The following NRXN3 variants were observed in gnomAD, a reference collection of about 807,000 sequenced individuals.
NRXN3 encodes neurexin III.
NRXN3 carries 32 observed loss-of-function variants against 137.6 expected under a neutral mutation model. The observed-to-expected ratio is 0.23, with a 90% confidence interval of 0.18 to 0.31. The LOEUF is 0.31. Ranked by LOEUF, NRXN3 falls within the 10% of genes least tolerant of loss-of-function variation. The probability of loss-of-function intolerance (pLI) is 1.00; values close to 1 mark genes in which losing one functional copy is unlikely to be tolerated. For synonymous variants in NRXN3, 798 were observed against 784.5 expected (o/e 1.02, Z -0.29); for missense variants, 1,574 against 2,062.5 (o/e 0.76, Z 4.59).
At chr14:78,712,824 A>G (rs2098415721) in intron 7 of NRXN3, among the ~76,000 whole-genome samples, 1 of 152,112 alleles carries the variant, frequency 6.6e-6, no homozygotes, top group Non-Finnish European at 1.5e-5. Flanking sequence ...CAGCCTCCCA[A>G]AGTGCTGGGA....
intron 15 of NRXN3, among the ~76,000 whole-genome samples, chr14:79,380,557 A>G (rs1276149364): frequency 1.3e-5 from 2 of 152,128 alleles, no homozygotes; most frequent in Non-Finnish European, 2.9e-5. Flanking sequence ...ATAGTATTCC[A>G]TGGTGTATAT....
intron 8 of NRXN3, among the ~76,000 whole-genome samples, chr14:78,764,777 G>C (rs1434688789): frequency 6.6e-6 from 1 of 152,144 alleles, no homozygotes; most frequent in Non-Finnish European, 1.5e-5. Context: ...ACAGTGATTA[G>C]ATCAGGCTTC....
intron 19 of NRXN3, among the ~76,000 whole-genome samples, chr14:79,773,696 C>T (rs551503765): frequency 2.8e-4 from 43 of 151,054 alleles, no homozygotes; most frequent in African/African-American, 8.3e-4. Context: ...AGTTAGTGGG[C>T]ACAGCACACC....
chr14:78,179,040 G>GT, intron 1 of NRXN3, among the ~76,000 whole-genome samples: 1 of 152,284 alleles, frequency 6.6e-6, no homozygotes, highest in Middle Eastern at 3.4e-3. Flanking sequence ...AGCTGGAGGG[G>GT]TGCTGGTTCT....
At chr14:78,958,172 T>G (rs922126801) in intron 11 of NRXN3, among the ~76,000 whole-genome samples, 13 of 152,008 alleles carry the variant, frequency 8.6e-5, no homozygotes, top group African/African-American at 2.7e-4. Context: ...CTAATTTTGA[T>G]GGGTGAGATT....
chr14:78,826,182 G>A (rs140301789), intron 10 of NRXN3, among the ~76,000 whole-genome samples: 2 of 152,260 alleles, frequency 1.3e-5, no homozygotes, highest in African/African-American at 4.8e-5. Context: ...AAATAAAAAT[G>A]TAAGCTCCTT....
At chr14:79,636,932 G>A (rs2098406819) in intron 16 of NRXN3, among the ~76,000 whole-genome samples, 1 of 152,200 alleles carries the variant, frequency 6.6e-6, no homozygotes, top group Non-Finnish European at 1.5e-5. Flanking sequence ...ACTTGACTAA[G>A]CTACTTATTG....
rs150102205 is a variant in NRXN3 at position 79,690,005 on chromosome 14, A to G, written c.3617-2168A>G. ...TTCCGTAGTGAGTAGAATGAAGGTC[A>G]TTAATATATTTAATGTGTAGCCAAC... On this transcript the variant is annotated intron_variant, in intron 17 of 20. Coordinates refer to ENST00000335750, the MANE Select transcript of NRXN3 (RefSeq NM_001330195.2). Among the ~76,000 whole-genome samples the G allele has an allele frequency of 3.0e-3, 461 of 152,312 alleles. 5 individuals are homozygous for G. The highest frequency in any genetic ancestry group is 0.011 in the African/African-American group (442 of 41,582).
rs543246522 is a variant in NRXN3, at chr14:79,198,895, C to G, written c.3262+210754C>G. Among the ~76,000 whole-genome samples, 77 of 152,272 alleles carry G rather than the reference C, an allele frequency of 5.1e-4. 1 individual carries two copies. The highest frequency in any genetic ancestry group is 1.8e-3 in the African/African-American group (76 of 41,550). On this transcript the variant is annotated intron_variant, in intron 15 of 20. Coordinates refer to ENST00000335750, the MANE Select transcript of NRXN3 (RefSeq NM_001330195.2). ...TAGAAAAAGCAAAACTGGCCAGGTG[C>G]GGTGGCTCACGCCTGTAATCCAGCA...
chr14:78,215,215 C>G (rs886850149), intron 1 of NRXN3, among the ~76,000 whole-genome samples: 18 of 152,196 alleles, frequency 1.2e-4, no homozygotes, highest in Non-Finnish European at 1.6e-4. Flanking sequence ...CCCTCTCCCC[C>G]TGACCCTGTA....
At chr14:78,477,086 AG>A (rs537193808) in intron 4 of NRXN3, among the ~76,000 whole-genome samples, 247 of 152,304 alleles carry the variant, frequency 1.6e-3, no homozygotes, top group Middle Eastern at 0.01. Context: ...TTCTCCATCT[AG>A]GGTTCACATA....
Position 79,052,348 on chromosome 14 carries a change from A to G in NRXN3, c.3262+64207A>G, listed in dbSNP as rs79686328. On this transcript the variant is annotated intron_variant, in intron 15 of 20. Coordinates refer to ENST00000335750, the MANE Select transcript of NRXN3 (RefSeq NM_001330195.2). ...AGATAAGCCTTGAGCTAGGAAACTC[A>G]TAGTTCATGTTGTTACAAAGAACTA... 7.6e-3 allele frequency among the ~76,000 whole-genome samples: 1,154 copies of G among 152,350 alleles called. 10 individuals carry two copies. Among genetic ancestry groups the G allele is most frequent in the Non-Finnish European group, 0.013 (855 of 68,028 alleles).
chr14:78,869,554 T>TA (rs1341377049), intron 10 of NRXN3, among the ~76,000 whole-genome samples: 2 of 152,164 alleles, frequency 1.3e-5, no homozygotes, highest in African/African-American at 2.4e-5. Flanking sequence ...CTTCAGCCTG[T>TA]AAAATTGTTT....
intron 10 of NRXN3, among the ~76,000 whole-genome samples, chr14:78,833,466 A>T (rs932528108): frequency 2.6e-5 from 4 of 152,170 alleles, no homozygotes; most frequent in African/African-American, 9.7e-5. Flanking sequence ...TGGACTGAAG[A>T]CTGAATGCTT....
At chr14:79,634,901 G>A (rs1001256798) in intron 16 of NRXN3, among the ~76,000 whole-genome samples, 1 of 152,094 alleles carries the variant, frequency 6.6e-6, no homozygotes, top group Non-Finnish European at 1.5e-5. Context: ...TTCCATATAT[G>A]AGTGAGATCT....
chr14:78,650,838 G>T (rs1053948557), intron 5 of NRXN3, among the ~76,000 whole-genome samples: 1 of 152,040 alleles, frequency 6.6e-6, no homozygotes, highest in Admixed American at 6.5e-5. Context: ...TTTTAGCAAT[G>T]AACTGAGACA....
intron 15 of NRXN3, among the ~76,000 whole-genome samples, chr14:79,325,895 G>T (rs1217442882): frequency 6.6e-6 from 1 of 151,980 alleles, no homozygotes; most frequent in Non-Finnish European, 1.5e-5. Context: ...GAGATATATA[G>T]TAGCTCTTCT....
At chr14:78,542,718 A>C (rs970372435) in intron 4 of NRXN3, among the ~76,000 whole-genome samples, 1 of 152,174 alleles carries the variant, frequency 6.6e-6, no homozygotes, top group Admixed American at 6.5e-5. Context: ...AGTCCCAGTA[A>C]GATGAACCAG....
chr14:78,824,827 C>T (rs1320731536), intron 10 of NRXN3, among the ~76,000 whole-genome samples: 1 of 151,940 alleles, frequency 6.6e-6, no homozygotes, highest in African/African-American at 2.4e-5. Flanking sequence ...TTGTTTGTAA[C>T]ACAAAGAAAT....
Sources: allele counts gnomAD v4.1 joint callset (sites outside exome capture counted in the v4.1 genomes callset), GRCh38; gene constraint gnomAD v4.1.1; transcripts MANE v1.5; gene names NCBI Gene and HGNC (gene_info 2026-07-23, HGNC 2026-07-21).